Variants in TMEM132D observed in about 807,000 individuals in gnomAD.
TMEM132D encodes transmembrane protein 132D.
TMEM132D carries 21 observed loss-of-function variants against 62.3 expected under a neutral mutation model. That is an observed-to-expected ratio of 0.34 (90% CI 0.24 to 0.49). TMEM132D has a LOEUF of 0.49. Among genes scored for constraint, TMEM132D ranks in the 20% least tolerant of loss-of-function variants. The pLI, the probability that TMEM132D is intolerant of heterozygous loss-of-function variation, is 0.99. For synonymous variants in TMEM132D, 621 were observed against 575.6 expected, an observed-to-expected ratio of 1.08 and a Z score of -1.13; for missense variants, 1,346 against 1,402.8, an observed-to-expected ratio of 0.96 and a Z score of 0.65.
intron 3 of TMEM132D, among the ~76,000 whole-genome samples, chr12:129,432,158 C>CA (rs1566066763): frequency 1.8e-4 from 10 of 54,852 alleles, no homozygotes; most frequent in African/African-American, 4.7e-4. Flanking sequence ...TGGATGGATG[C>CA]TTGGATGGAT....
At chr12:129,326,117 A>T (rs1383339339) in intron 4 of TMEM132D, among the ~76,000 whole-genome samples, 1 of 152,248 alleles carries the variant, frequency 6.6e-6, no homozygotes, top group Non-Finnish European at 1.5e-5. Flanking sequence ...GCAAAAATGC[A>T]GCTCAAGCTA....
chr12:129,833,987 G>A (rs1872924107), intron 1 of TMEM132D, among the ~76,000 whole-genome samples: 1 of 152,136 alleles, frequency 6.6e-6, no homozygotes, highest in Non-Finnish European at 1.5e-5. Flanking sequence ...CTGACACCCA[G>A]CCTGGTTGGG....
intron 5 of TMEM132D, among the ~76,000 whole-genome samples, chr12:129,128,307 G>C (rs1455729435): frequency 3.9e-5 from 6 of 152,128 alleles, no homozygotes. Flanking sequence ...CCTGAGACTG[G>C]GTAATTTATA....
intron 5 of TMEM132D, among the ~76,000 whole-genome samples, chr12:129,134,124 G>GTGTGTGTC (rs762389429): frequency 0.023 from 3,267 of 142,108 alleles, 54 homozygotes; most frequent in East Asian, 0.099. Flanking sequence ...TGTTGTGTGT[G>GTGTGTGTC]TGTGTGTGTC....
At chr12:129,709,335 G>A (rs1174256020) in intron 1 of TMEM132D, among the ~76,000 whole-genome samples, 1 of 152,294 alleles carries the variant, frequency 6.6e-6, no homozygotes, top group Non-Finnish European at 1.5e-5. Context: ...TGCAGTGCCA[G>A]CCATAAAGCT....
chr12:129,317,553 T>C lies in TMEM132D; in HGVS notation c.1299+20081A>G, dbSNP rs544870907. Among the ~76,000 whole-genome samples, 144 of 152,366 alleles carry C rather than the reference T, an allele frequency of 9.5e-4. 1 individual carries two copies. The highest frequency in any genetic ancestry group is 1.9e-3 in the Non-Finnish European group (132 of 68,036). On this transcript the variant is annotated intron_variant, in intron 4 of 8. Coordinates refer to ENST00000422113, the MANE Select transcript of TMEM132D (RefSeq NM_133448.3). ...ATTTCCTTTATAGGTTACCTGGTGC[T>C]TCTGTCTCGCAGCTCTTAAGATTCT...
At chr12:129,487,244 G>A (rs570748738) in intron 3 of TMEM132D, among the ~76,000 whole-genome samples, 2 of 152,346 alleles carry the variant, frequency 1.3e-5, no homozygotes, top group South Asian at 4.1e-4. Context: ...AGGGCAGAAG[G>A]AGAAGCAGCC....
chr12:129,436,902 C>A (rs1031349074), intron 3 of TMEM132D, among the ~76,000 whole-genome samples: 2 of 152,056 alleles, frequency 1.3e-5, no homozygotes, highest in African/African-American at 4.8e-5. Flanking sequence ...CTTCATTTTT[C>A]CTATAATTTG....
At chr12:129,247,827 A>G (rs1880161871) in intron 4 of TMEM132D, among the ~76,000 whole-genome samples, 1 of 151,468 alleles carries the variant, frequency 6.6e-6, no homozygotes, top group Non-Finnish European at 1.5e-5. Flanking sequence ...ATAGAAAAGC[A>G]TTGCTGAAGT....
At chr12:129,107,283 C>T (rs1331492941) in intron 5 of TMEM132D, among the ~76,000 whole-genome samples, 3 of 152,188 alleles carry the variant, frequency 2.0e-5, no homozygotes, top group Non-Finnish European at 4.4e-5. Flanking sequence ...TAAAGCTCCC[C>T]TTTTAGAACA....
rs117112955 is a variant in TMEM132D at position 129,693,131 on chromosome 12, G to A, written c.968+6679C>T. ...GAACAAAAAGCCTATAGGTGACGTC[G>A]TACTGAATGTCGAGAAACTAGATGC... is the stretch of plus-strand genomic sequence containing the variant. On this transcript the variant is annotated intron_variant, in intron 2 of 8. Coordinates refer to ENST00000422113, the MANE Select transcript of TMEM132D (RefSeq NM_133448.3). 9.1e-3 allele frequency among the ~76,000 whole-genome samples: 1,379 copies of A among 152,188 alleles called. 10 individuals carry two copies. The highest frequency in any genetic ancestry group is 0.014 in the Admixed American group (221 of 15,284).
At chr12:129,893,866 G>A (rs1400736737) in intron 1 of TMEM132D, among the ~76,000 whole-genome samples, 1 of 152,180 alleles carries the variant, frequency 6.6e-6, no homozygotes, top group Non-Finnish European at 1.5e-5. Flanking sequence ...TCCTGCCATG[G>A]GGCACTTGAC....
chr12:129,868,543 C>T lies in TMEM132D; in HGVS notation c.79+34718G>A, dbSNP rs111619562. Among the ~76,000 whole-genome samples the T allele has an allele frequency of 2.4e-4, 37 of 152,282 alleles. 1 individual carries two copies. Among genetic ancestry groups the T allele is most frequent in the African/African-American group, 7.7e-4 (32 of 41,568 alleles). On this transcript the variant is annotated intron_variant, in intron 1 of 8. Coordinates refer to ENST00000422113, the MANE Select transcript of TMEM132D (RefSeq NM_133448.3). The stretch of plus-strand genomic sequence containing the variant: ...GTGAGTCGAGGCTTCCTGTGTCAGC[C>T]GCTGTGGTCAAGTCAACTCCATCTG...
At chr12:129,146,905 G>T (rs1347992630) in intron 5 of TMEM132D, among the ~76,000 whole-genome samples, 2 of 152,136 alleles carry the variant, frequency 1.3e-5, no homozygotes, top group African/African-American at 4.8e-5. Context: ...GGAAACTGAG[G>T]CTCAGAGGAA....
chr12:129,579,202 A>G (rs142894671), intron 2 of TMEM132D, among the ~76,000 whole-genome samples: 2,002 of 152,342 alleles, frequency 0.013, 16 homozygotes, highest in Non-Finnish European at 0.018. Context: ...AAAGAGAGAA[A>G]CATTGAATGT....
intron 3 of TMEM132D, among the ~76,000 whole-genome samples, chr12:129,529,441 GC>G (rs914501779): frequency 9.2e-5 from 14 of 152,086 alleles, no homozygotes; most frequent in African/African-American, 3.1e-4. Context: ...CCACCATTGG[GC>G]CCCCCCATGC....
intron 4 of TMEM132D, among the ~76,000 whole-genome samples, chr12:129,322,290 G>A (rs188402101): frequency 6.6e-6 from 1 of 152,108 alleles, no homozygotes. Context: ...TGATGTAAAA[G>A]CATCAGTTTT....
At chr12:129,559,039 C>T (rs1237220951) in intron 2 of TMEM132D, among the ~76,000 whole-genome samples, 2 of 152,168 alleles carry the variant, frequency 1.3e-5, no homozygotes, top group Non-Finnish European at 1.5e-5. Context: ...GAGTTGATAT[C>T]CAGTCATTAG....
intron 2 of TMEM132D, among the ~76,000 whole-genome samples, chr12:129,639,275 C>G (rs566847943): frequency 6.8e-6 from 1 of 147,748 alleles, no homozygotes; most frequent in Non-Finnish European, 1.5e-5. Context: ...CCCAGCTACT[C>G]GGGAGGCTGA....
Sources: allele counts gnomAD v4.1 joint callset (sites outside exome capture counted in the v4.1 genomes callset), GRCh38; gene constraint gnomAD v4.1.1; transcripts MANE v1.5; gene names NCBI Gene and HGNC (gene_info 2026-07-23, HGNC 2026-07-21).